Variants in COL26A1 observed in about 807,000 individuals in gnomAD.
COL26A1 encodes the protein collagen alpha-1(XXVI) chain.
Under a neutral mutation model 59.3 loss-of-function variants are expected in COL26A1, and 41 were observed. That is an observed-to-expected ratio of 0.69 (90% confidence interval 0.54 to 0.90). The LOEUF is 0.90. Ranked by LOEUF, COL26A1 falls within the 40% of genes least tolerant of loss-of-function variation. The probability of loss-of-function intolerance (pLI) is 0.00; values close to 1 mark genes in which losing one functional copy is unlikely to be tolerated. For missense variants in COL26A1, 612 were observed against 602.3 expected, an observed-to-expected ratio of 1.02 and a Z score of -0.17; for synonymous variants, 266 against 256.0, an observed-to-expected ratio of 1.04 and a Z score of -0.37.
At chr7:101,419,506 C>A (rs1792458838) in intron 1 of COL26A1, among the ~76,000 whole-genome samples, 1 of 152,130 alleles carries the variant, frequency 6.6e-6, no homozygotes, top group African/African-American at 2.4e-5. Context: ...TGGCTTCGTC[C>A]CCTCTCACGG....
At chr7:101,534,309 G>A (rs115979562) in intron 4 of COL26A1, among the ~76,000 whole-genome samples, 17,335 of 152,116 alleles carry the variant, frequency 0.11, 1,219 homozygotes, top group Middle Eastern at 0.22. Flanking sequence ...GACCTGAGAC[G>A]GTGGGGCTGG....
intron 2 of COL26A1, among the ~76,000 whole-genome samples, chr7:101,420,373 A>T (rs931070497): frequency 6.6e-6 from 1 of 152,166 alleles, no homozygotes; most frequent in Non-Finnish European, 1.5e-5. Context: ...TGAGTGGGGT[A>T]TGGGATCCGA....
intron 3 of COL26A1, among the ~76,000 whole-genome samples, chr7:101,457,423 A>G (rs533348702): frequency 1.6e-4 from 24 of 152,112 alleles, no homozygotes; most frequent in African/African-American, 5.5e-4. Context: ...TTCTAATCTC[A>G]TGTCCTTTCA....
chr7:101,422,311 CAA>C (rs112095038), intron 2 of COL26A1, among the ~76,000 whole-genome samples: 4 of 59,050 alleles, frequency 6.8e-5, no homozygotes. Flanking sequence ...AACTCCATCT[CAA>C]AAAAAAAAAA....
intron 8 of COL26A1, among the ~76,000 whole-genome samples, chr7:101,548,060 C>T (rs1490569626): frequency 4.6e-5 from 7 of 151,982 alleles, no homozygotes; most frequent in African/African-American, 1.7e-4. Context: ...GGGGAGGCGC[C>T]GTCAAAACGT....
chr7:101,550,706 G>A (rs1008968889), intron 9 of COL26A1, among the ~76,000 whole-genome samples: 3 of 152,060 alleles, frequency 2.0e-5, no homozygotes, highest in South Asian at 2.1e-4. Context: ...GCTGGGTGGC[G>A]ATGTCAGGGG....
At chr7:101,419,096 C>T (rs75974975) in intron 1 of COL26A1, among the ~76,000 whole-genome samples, 3 of 126,680 alleles carry the variant, frequency 2.4e-5, no homozygotes, top group African/African-American at 6.2e-5. Context: ...CTCCCCTCCC[C>T]TCCCCTCCCC....
intron 1 of COL26A1, among the ~76,000 whole-genome samples, chr7:101,394,869 CTTTTTTTTTTT>C (rs61005447): frequency 5.2e-5 from 5 of 97,018 alleles, no homozygotes; most frequent in South Asian, 3.3e-4. Context: ...TTTTTCTTTT[CTTTTTTTTTTT>C]TTTTTTTTTT....
At chr7:101,465,018 T>C (rs10229291) in intron 3 of COL26A1, among the ~76,000 whole-genome samples, 76,359 of 150,324 alleles carry the variant, frequency 0.51, 20,111 homozygotes, top group African/African-American at 0.64. Flanking sequence ...GGCTTTAAGC[T>C]TCTAATTCTT....
chr7:101,534,478 A>C lies in COL26A1; in HGVS notation c.447+1335A>C, dbSNP rs140171225. Among the ~76,000 whole-genome samples, 102 of 152,202 alleles carry C rather than the reference A, an allele frequency of 6.7e-4. No individual in the cohort carries two copies. In the East Asian group the frequency reaches 0.016, roughly 24 times the overall value. On this transcript the variant is annotated intron_variant, in intron 4 of 12. Coordinates refer to ENST00000313669, the MANE Select transcript of COL26A1 (RefSeq NM_001278563.3). ...TGCACACACATCTGTGTGCATGTGG[A>C]GACACACATACATATATACACATAC...
At chr7:101,421,079 C>G (rs1054189239) in intron 2 of COL26A1, among the ~76,000 whole-genome samples, 1 of 152,078 alleles carries the variant, frequency 6.6e-6, no homozygotes, top group Admixed American at 6.6e-5. Flanking sequence ...TTGCCTGGGT[C>G]AGGGTTCTCC....
chr7:101,476,131 C>T (rs765284940), intron 3 of COL26A1, among the ~76,000 whole-genome samples: 3 of 146,912 alleles, frequency 2.0e-5, no homozygotes, highest in Non-Finnish European at 4.4e-5. Flanking sequence ...CATGCCACCA[C>T]TCCCAGCTAA....
rs575132708 is a variant in COL26A1, at chr7:101,490,777, C to T, written c.386-42305C>T. The stretch of plus-strand genomic sequence containing the variant: ...ACTTTGGGAGGCCAAGGTGGGCGGA[C>T]CACCTGAGGTCAGGAGTTCGAGACC... On this transcript the variant is annotated intron_variant, in intron 3 of 12. Coordinates refer to ENST00000313669, the MANE Select transcript of COL26A1 (RefSeq NM_001278563.3). Among the ~76,000 whole-genome samples, 208 of 150,656 alleles carry T rather than the reference C, an allele frequency of 1.4e-3. 1 individual carries two copies. Among genetic ancestry groups the T allele is most frequent in the African/African-American group, 4.9e-3 (201 of 41,030 alleles).
chr7:101,417,411 T>C (rs1458879847), intron 1 of COL26A1, among the ~76,000 whole-genome samples: 2 of 149,758 alleles, frequency 1.3e-5, no homozygotes, highest in South Asian at 2.1e-4. Context: ...CCCCCAAGAC[T>C]GAAAGGTCAC....
At chr7:101,406,531 A>G (rs1039989042) in intron 1 of COL26A1, among the ~76,000 whole-genome samples, 1 of 152,174 alleles carries the variant, frequency 6.6e-6, no homozygotes, top group East Asian at 1.9e-4. Flanking sequence ...TTGGGGGGCT[A>G]TGGCCATGAG....
chr7:101,497,677 GA>G (rs912906926), intron 3 of COL26A1, among the ~76,000 whole-genome samples: 1 of 150,508 alleles, frequency 6.6e-6, no homozygotes, highest in Non-Finnish European at 1.5e-5. Context: ...CCCTGCCTCA[GA>G]AAAAAAATAA....
chr7:101,548,639 G>T (rs1449899716), intron 8 of COL26A1, among the ~76,000 whole-genome samples: 1 of 141,204 alleles, frequency 7.1e-6, no homozygotes, highest in African/African-American at 2.5e-5. Context: ...TAGCAGAGAC[G>T]CCAGGAGGGT....
intron 1 of COL26A1, among the ~76,000 whole-genome samples, chr7:101,379,583 A>G (rs1791398481): frequency 6.6e-6 from 1 of 152,220 alleles, no homozygotes; most frequent in Non-Finnish European, 1.5e-5. Context: ...CAGCTACATC[A>G]TGAATACAGG....
At chr7:101,494,930 A>G (rs534949462) in intron 3 of COL26A1, among the ~76,000 whole-genome samples, 352 of 152,224 alleles carry the variant, frequency 2.3e-3, no homozygotes, top group Middle Eastern at 6.8e-3. Context: ...CATCTCCTCT[A>G]TGGGGAGAGG....
Sources: allele counts gnomAD v4.1 joint callset (sites outside exome capture counted in the v4.1 genomes callset), GRCh38; gene constraint gnomAD v4.1.1; transcripts MANE v1.5; gene names NCBI Gene and HGNC (gene_info 2026-07-23, HGNC 2026-07-21).